PCDH7: variants seen among roughly 807,000 people sequenced by gnomAD.
PCDH7 encodes protocadherin-7.
Under a neutral mutation model 58.9 loss-of-function variants are expected in PCDH7, and 17 were observed. The observed-to-expected ratio is 0.29, with a 90% CI of 0.20 to 0.43. The LOEUF (loss-of-function observed/expected upper bound fraction) is 0.43, where lower values mean the gene tolerates loss of function less well. Among genes scored for constraint, PCDH7 ranks in the 20% least tolerant of loss-of-function variants. The pLI is 1.00. For missense variants in PCDH7, 1,274 were observed against 1,441.0 expected (o/e 0.88, Z 1.88); for synonymous variants, 664 against 616.4 (o/e 1.08, Z -1.14).
chr4:30,979,325 CAAA>C (rs80272564), intron 3 of PCDH7, among the ~76,000 whole-genome samples: 1 of 96,634 alleles, frequency 1.0e-5, no homozygotes, highest in African/African-American at 3.9e-5. Flanking sequence ...AACTCTGTCT[CAAA>C]AAAAAAAAAA....
intron 1 of PCDH7, among the ~76,000 whole-genome samples, chr4:30,728,296 TAGAGAG>T (rs67735645): frequency 0.11 from 11,158 of 105,300 alleles, 585 homozygotes; most frequent in East Asian, 0.24. Flanking sequence ...TATATATATA[TAGAGAG>T]AGAGAGAGAG....
intron 1 of PCDH7, among the ~76,000 whole-genome samples, chr4:30,858,372 G>C (rs1205432495): frequency 6.6e-6 from 1 of 151,828 alleles, no homozygotes; most frequent in African/African-American, 2.4e-5. Flanking sequence ...TTATCTATTT[G>C]GGTATTCACT....
chr4:30,900,878 A>T (rs1487115947), intron 1 of PCDH7, among the ~76,000 whole-genome samples: 1 of 152,188 alleles, frequency 6.6e-6, no homozygotes, highest in African/African-American at 2.4e-5. Context: ...AAATAGGGCT[A>T]GCACCAGTCT....
chr4:30,748,149 T>G (rs1718009130), intron 1 of PCDH7, among the ~76,000 whole-genome samples: 1 of 152,184 alleles, frequency 6.6e-6, no homozygotes. Flanking sequence ...GAGAAACTTT[T>G]ACAAACTATT....
chr4:30,740,155 A>C (rs1716873391), intron 1 of PCDH7, among the ~76,000 whole-genome samples: 1 of 152,198 alleles, frequency 6.6e-6, no homozygotes, highest in African/African-American at 2.4e-5. Context: ...GTTGGGCTGC[A>C]GAGGCCACTC....
At chr4:31,063,618 T>C (rs1757860002) in intron 3 of PCDH7, among the ~76,000 whole-genome samples, 1 of 151,926 alleles carries the variant, frequency 6.6e-6, no homozygotes, top group South Asian at 2.1e-4. Context: ...AGTTATTAAG[T>C]AGCAATGCTG....
intron 2 of PCDH7, among the ~76,000 whole-genome samples, chr4:30,946,690 T>TGTGTGTGTGTG (rs1746724379): frequency 2.9e-5 from 4 of 137,554 alleles, no homozygotes; most frequent in African/African-American, 2.8e-5. Flanking sequence ...CTTATCTCTT[T>TGTGTGTGTGTG]TGTGTGTGTG....
chr4:31,142,446 TA>T, intron 3 of PCDH7, 26 bp from the exon 3 acceptor site: 1 of 1,354,952 alleles, frequency 7.4e-7, no homozygotes, highest in Non-Finnish European at 9.8e-7. Flanking sequence ...TGTCAAATAC[TA>T]ATGGCTTATT....
chr4:31,042,042 A>G (rs1471674995), intron 3 of PCDH7, among the ~76,000 whole-genome samples: 1 of 152,152 alleles, frequency 6.6e-6, no homozygotes, highest in Admixed American at 6.5e-5. Context: ...GCAAGATACT[A>G]GTGTTTCTGA....
chr4:31,016,571 G>T (rs907371438), intron 3 of PCDH7, among the ~76,000 whole-genome samples: 3 of 152,040 alleles, frequency 2.0e-5, no homozygotes, highest in African/African-American at 7.2e-5. Flanking sequence ...GAATGCAGTG[G>T]TATCAGTAGG....
chr4:30,976,093 G>A (rs1750040609), intron 3 of PCDH7, among the ~76,000 whole-genome samples: 1 of 152,060 alleles, frequency 6.6e-6, no homozygotes, highest in African/African-American at 2.4e-5. Flanking sequence ...ATACAGGCTT[G>A]GTTTGTAATA....
intron 1 of PCDH7, among the ~76,000 whole-genome samples, chr4:30,743,118 T>C (rs1242206059): frequency 1.3e-5 from 2 of 151,736 alleles, no homozygotes; most frequent in Non-Finnish European, 2.9e-5. Flanking sequence ...TTGGGGAAGA[T>C]GGTGGGAAAT....
intron 3 of PCDH7, among the ~76,000 whole-genome samples, chr4:31,012,236 A>C (rs761191261): frequency 6.6e-6 from 1 of 152,174 alleles, no homozygotes; most frequent in Non-Finnish European, 1.5e-5. Flanking sequence ...CAGTACACCG[A>C]AACAAACCAA....
chr4:30,836,978 C>T (rs987768445), intron 1 of PCDH7, among the ~76,000 whole-genome samples: 1 of 152,124 alleles, frequency 6.6e-6, no homozygotes, highest in African/African-American at 2.4e-5. Context: ...CCTTGAGACA[C>T]ATATAAAACA....
rs182141206 is a variant in PCDH7, at chr4:30,905,020, G to C, written c.71-15133G>C. On this transcript the variant is annotated intron_variant, in intron 1 of 3. Coordinates refer to the PCDH7 transcript ENST00000509759. ...TTAAATGTATGTAGTTTCCTAAACA[G>C]ATTTCACCAGGTGCAGTTTATGTGA... Among the ~76,000 whole-genome samples the C allele has an allele frequency of 1.1e-3, 168 of 152,238 alleles. 1 individual carries two copies. The highest frequency in any genetic ancestry group is 1.8e-3 in the Non-Finnish European group (125 of 68,024).
chr4:31,126,445 C>A (rs1250950840), intron 3 of PCDH7, among the ~76,000 whole-genome samples: 8 of 152,162 alleles, frequency 5.3e-5, no homozygotes, highest in Admixed American at 3.3e-4. Context: ...CAGGCCTGAG[C>A]CACCTCACGC....
At chr4:30,815,539 G>C (rs531175904) in intron 1 of PCDH7, among the ~76,000 whole-genome samples, 1 of 152,278 alleles carries the variant, frequency 6.6e-6, no homozygotes, top group African/African-American at 2.4e-5. Flanking sequence ...CCCTTGGAGC[G>C]GGCTGTCCAC....
At chr4:31,119,684 CCTT>C (rs1043174645) in intron 3 of PCDH7, among the ~76,000 whole-genome samples, 52 of 152,202 alleles carry the variant, frequency 3.4e-4, no homozygotes, top group African/African-American at 1.2e-3. Flanking sequence ...GGTCTTGTGT[CCTT>C]TACCCCTGGA....
In PCDH7 at chr4:30,894,534, C is replaced by T. The variant is rs868339017; in HGVS notation, c.71-25619C>T. ...ATATATATACACACACACACACACACACACACACACACACACACACACACA... is the reference window on the plus strand; with the variant it reads ...ATATATATACACACACACACACACATACACACACACACACACACACACACA... On this transcript the variant is annotated intron_variant, in intron 1 of 3. Coordinates refer to the PCDH7 transcript ENST00000509759. Among the ~76,000 whole-genome samples the T allele has an allele frequency of 5.6e-3, 583 of 103,640 alleles. 3 individuals are homozygous for T. The highest frequency in any genetic ancestry group is 0.023 in the African/African-American group (553 of 24,110). The allele number at this position is 103,640 out of a possible 152,430, so 68.0% of individuals were successfully genotyped here.
Sources: gnomAD v4.1 joint callset for allele counts (sites outside exome capture counted in the v4.1 genomes callset) on GRCh38, gnomAD v4.1.1 for gene constraint, MANE v1.5 for transcripts, NCBI Gene and HGNC (gene_info 2026-07-23, HGNC 2026-07-21) for gene names.